KLF8: variants seen among roughly 807,000 people sequenced by gnomAD.
KLF8 encodes the protein Krueppel-like factor 8.
Under a neutral mutation model 18.2 loss-of-function variants are expected in KLF8, and 10 were observed. The observed-to-expected ratio is 0.55, with a 90% CI of 0.34 to 0.93. The LOEUF (loss-of-function observed/expected upper bound fraction) is 0.93. Among genes scored for constraint, KLF8 ranks in the 40% least tolerant of loss-of-function variants. KLF8 has a pLI of 0.02. For missense variants in KLF8, 264 were observed against 277.9 expected (o/e 0.95, Z 0.36); for synonymous variants, 109 against 97.3 (o/e 1.12, Z -0.71).
At chrX:55,942,256 C>G in the KLF8 span, among the ~76,000 whole-genome samples, 1 of 110,593 alleles carries the variant, frequency 9.0e-6, no homozygotes, top group African/African-American at 3.3e-5. Context: ...TCTCAGCAAA[C>G]TATCGCAAGG....
the KLF8 span, among the ~76,000 whole-genome samples, chrX:56,081,125 G>A: frequency 0.54 from 59,349 of 110,660 alleles, 13,774 homozygotes; most frequent in East Asian, 0.75. Flanking sequence ...TAATTTGATC[G>A]TCTGAAGCCT....
the KLF8 span, among the ~76,000 whole-genome samples, chrX:56,075,562 T>C: frequency 9.0e-6 from 1 of 111,721 alleles, no homozygotes; most frequent in Non-Finnish European, 1.9e-5. Flanking sequence ...TACAATGTAA[T>C]TATTGACTGT....
chrX:55,941,192 A>G, the KLF8 span, among the ~76,000 whole-genome samples: 1 of 111,906 alleles, frequency 8.9e-6, no homozygotes. Flanking sequence ...ATGTAACAGA[A>G]CAGAGCCCTC....
At chrX:55,921,405 G>C in the KLF8 span, among the ~76,000 whole-genome samples, 6 of 111,803 alleles carry the variant, frequency 5.4e-5, no homozygotes, top group African/African-American at 1.6e-4. Flanking sequence ...CTATGTATCT[G>C]TTTTTGTATG....
At chrX:56,023,695 T>C in the KLF8 span, among the ~76,000 whole-genome samples, 2 of 111,545 alleles carry the variant, frequency 1.8e-5, no homozygotes, top group East Asian at 5.5e-4. Flanking sequence ...AAGAGTTTAA[T>C]TTTTAGAGTT....
At chrX:55,990,835 G>A in the KLF8 span, among the ~76,000 whole-genome samples, 60 of 111,863 alleles carry the variant, frequency 5.4e-4, no homozygotes, top group African/African-American at 1.9e-3. Context: ...AGCAGCAAAT[G>A]TTGCTGCCTG....
chrX:56,101,676 TG>T, the KLF8 span, among the ~76,000 whole-genome samples: 3 of 112,321 alleles, frequency 2.7e-5, no homozygotes, highest in Non-Finnish European at 5.6e-5. Flanking sequence ...CTTGCTGTTT[TG>T]ATTTGCATTT....
the KLF8 span, among the ~76,000 whole-genome samples, chrX:56,001,362 T>C: frequency 8.9e-6 from 1 of 111,962 alleles, no homozygotes; most frequent in African/African-American, 3.2e-5. Context: ...CATTCTTTCC[T>C]TTTTCCATCT....
chrX:56,182,094 A>T, the KLF8 span, among the ~76,000 whole-genome samples: 1 of 111,836 alleles, frequency 8.9e-6, no homozygotes, highest in Admixed American at 9.5e-5. Context: ...ACTTTCAGGT[A>T]CACCAGTCAG....
chrX:56,136,653 A>T, the KLF8 span, among the ~76,000 whole-genome samples: 5 of 111,728 alleles, frequency 4.5e-5, no homozygotes, highest in Non-Finnish European at 7.5e-5. Flanking sequence ...TAAAAACCCT[A>T]GAAGAAAACC....
the KLF8 span, among the ~76,000 whole-genome samples, chrX:56,025,204 G>A: frequency 8.9e-6 from 1 of 112,525 alleles, no homozygotes; most frequent in Non-Finnish European, 1.9e-5. Context: ...TGGAATCTCA[G>A]GTACTGGCAC....
the KLF8 span, among the ~76,000 whole-genome samples, chrX:56,211,563 C>T: frequency 8.9e-6 from 1 of 112,238 alleles, no homozygotes. Context: ...GGCCCTAGGG[C>T]TCTACAGTTA....
At chrX:56,212,120 G>A in the KLF8 span, among the ~76,000 whole-genome samples, 1 of 111,218 alleles carries the variant, frequency 9.0e-6, no homozygotes, top group Admixed American at 9.6e-5. Flanking sequence ...TGGGGTCTAG[G>A]GCCTGGAATG....
At chrX:55,966,934 A>G in the KLF8 span, among the ~76,000 whole-genome samples, 1 of 112,134 alleles carries the variant, frequency 8.9e-6, no homozygotes, top group Non-Finnish European at 1.9e-5. Flanking sequence ...GAGATTAATG[A>G]AAAACAATCA....
intron 2 of KLF8, among the ~76,000 whole-genome samples, chrX:56,251,466 T>A (rs1218027680): frequency 1.8e-5 from 2 of 110,757 alleles, no homozygotes; most frequent in Non-Finnish European, 3.8e-5. Flanking sequence ...TATTTATTTA[T>A]TTATTTATTT....
At chrX:56,030,268 G>A in the KLF8 span, among the ~76,000 whole-genome samples, 1 of 111,028 alleles carries the variant, frequency 9.0e-6, no homozygotes, top group Non-Finnish European at 1.9e-5. Context: ...TCCCATTGAG[G>A]GTCCATTCCT....
At chrX:56,277,382 A>G (rs746039897) in intron 5 of KLF8, among the ~76,000 whole-genome samples, 3 of 112,285 alleles carry the variant, frequency 2.7e-5, no homozygotes, top group Non-Finnish European at 5.6e-5. Flanking sequence ...CAAGCCCAGA[A>G]GCCCTATGGT....
At chrX:56,060,748 G>A in the KLF8 span, among the ~76,000 whole-genome samples, 3 of 111,809 alleles carry the variant, frequency 2.7e-5, no homozygotes, top group African/African-American at 9.7e-5. Flanking sequence ...TCTATTGTTT[G>A]GAATAGTTTC....
rs1167596373 is a variant in KLF8, at chrX:56,287,744, T to C, written c.*3250T>C. On this transcript the variant is annotated 3_prime_UTR_variant, in exon 6 of 6. Coordinates refer to ENST00000468660, the MANE Select transcript of KLF8 (RefSeq NM_007250.5). ...AAATAAACTTTTTATTTTCAAACAGTTTCAGTTTTACAGAAAAAATGTGAA... is the reference window on the plus strand; with the variant it reads ...AAATAAACTTTTTATTTTCAAACAGCTTCAGTTTTACAGAAAAAATGTGAA... 1 of 111,901 alleles carries C rather than the reference T, an allele frequency of 8.9e-6. No homozygotes were observed. Among genetic ancestry groups the C allele is most frequent in the African/African-American group, 3.2e-5 (1 of 30,793 alleles). The allele number at this position is 111,901 out of a possible 1,213,427, so 9.2% of individuals were successfully genotyped here.
Sources: gnomAD v4.1 joint callset for allele counts (sites outside exome capture counted in the v4.1 genomes callset) on GRCh38, gnomAD v4.1.1 for gene constraint, MANE v1.5 for transcripts, NCBI Gene and HGNC (gene_info 2026-07-23, HGNC 2026-07-21) for gene names.